The following SLC25A48 variants were observed in gnomAD, a reference collection of about 807,000 sequenced individuals.
SLC25A48 encodes CTC-321K16.1.
SLC25A48 carries 29 observed loss-of-function variants against 32.2 expected under a neutral mutation model. The ratio of observed to expected loss-of-function variants is 0.90; its 90% CI spans 0.67 to 1.23. The LOEUF is 1.23. Ranked by LOEUF, SLC25A48 falls within the 50% of genes most tolerant of loss-of-function variation. The pLI, the probability that SLC25A48 is intolerant of heterozygous loss-of-function variation, is 0.00. For missense variants in SLC25A48, 399 were observed against 422.7 expected (o/e 0.94, Z 0.49); for synonymous variants, 164 against 172.3 (o/e 0.95, Z 0.38).
At chr5:135,772,869 A>G (rs375893724) in intron 3 of SLC25A48, among the ~76,000 whole-genome samples, 129 of 151,812 alleles carry the variant, frequency 8.5e-4, no homozygotes, top group Middle Eastern at 3.4e-3. Context: ...ATTACTTTCA[A>G]TATTGCAGGG....
At chr5:135,842,661 A>G (rs1003291274) in intron 2 of SLC25A48, among the ~76,000 whole-genome samples, 8 of 152,154 alleles carry the variant, frequency 5.3e-5, no homozygotes, top group African/African-American at 1.7e-4. Flanking sequence ...CTTTAGAAGT[A>G]GATTGGAGAT....
chr5:135,634,504 A>G (rs1752653594), intron 2 of SLC25A48, among the ~76,000 whole-genome samples: 1 of 152,236 alleles, frequency 6.6e-6, no homozygotes, highest in South Asian at 2.1e-4. Context: ...CTTGGGCCCT[A>G]CCTTCCAGGA....
intron 3 of SLC25A48, among the ~76,000 whole-genome samples, chr5:135,802,307 A>C (rs1214626255): frequency 2.0e-5 from 3 of 151,710 alleles, no homozygotes; most frequent in Non-Finnish European, 4.4e-5. Context: ...TACTCCTACT[A>C]TCACAGTGGG....
At chr5:135,800,962 C>G (rs1318646983) in intron 3 of SLC25A48, among the ~76,000 whole-genome samples, 1 of 151,158 alleles carries the variant, frequency 6.6e-6, no homozygotes, top group African/African-American at 2.4e-5. Flanking sequence ...GGTTATAACA[C>G]TCCCCATATC....
rs1554088448 is a variant in SLC25A48 at position 135,886,618 on chromosome 5, T to TATATA, written c.*8-1413_*8-1409dup. 1.4e-4 allele frequency among the ~76,000 whole-genome samples: 3 copies of TATATA among 21,466 alleles called. 1 individual carries two copies. The highest frequency in any genetic ancestry group is 1.5e-3 in the East Asian group (2 of 1,318). The allele number at this position is 21,466 out of a possible 152,430, so 14.1% of individuals were successfully genotyped here. On this transcript the variant is annotated intron_variant, in intron 7 of 7. Transcript: ENST00000681962. The stretch of plus-strand genomic sequence containing the variant: ...ATATATATATATATATATATATATA[T>TATATA]ATATATATATATATATATAAAATAT...
chr5:135,721,243 C>T (rs1260101255), intron 3 of SLC25A48, among the ~76,000 whole-genome samples: 29 of 96,214 alleles, frequency 3.0e-4, no homozygotes, highest in African/African-American at 7.9e-4. Context: ...GCTCTGTCGC[C>T]CAGGCTGGAG....
intron 1 of SLC25A48, among the ~76,000 whole-genome samples, chr5:135,840,515 A>G (rs1758901033): frequency 6.6e-6 from 1 of 152,216 alleles, no homozygotes; most frequent in African/African-American, 2.4e-5. Flanking sequence ...ATCTAGTTCC[A>G]AAACATTTTT....
At chr5:135,795,490 C>T (rs1351628730) in intron 3 of SLC25A48, among the ~76,000 whole-genome samples, 1 of 151,728 alleles carries the variant, frequency 6.6e-6, no homozygotes, top group East Asian at 1.9e-4. Context: ...GTGCACCCCT[C>T]CTGTCATATT....
chr5:135,868,347 G>A (rs1267045776), intron 4 of SLC25A48, among the ~76,000 whole-genome samples: 3 of 152,102 alleles, frequency 2.0e-5, no homozygotes, highest in African/African-American at 7.2e-5. Context: ...AAATGTCAGT[G>A]TCACAAGAAA....
intron 2 of SLC25A48, among the ~76,000 whole-genome samples, chr5:135,633,537 C>T (rs1280358592): frequency 6.6e-6 from 1 of 151,870 alleles, no homozygotes; most frequent in East Asian, 1.9e-4. Context: ...GAAGAGAGCC[C>T]CCTCCAGAAC....
chr5:135,853,424 C>G (rs191864891), intron 4 of SLC25A48, among the ~76,000 whole-genome samples: 4 of 152,348 alleles, frequency 2.6e-5, no homozygotes, highest in Admixed American at 2.6e-4. Context: ...CTCTCAAACC[C>G]TGACGCTGCT....
At chr5:135,586,272 G>A (rs751787151) in intron 1 of SLC25A48, among the ~76,000 whole-genome samples, 1 of 152,180 alleles carries the variant, frequency 6.6e-6, no homozygotes, top group African/African-American at 2.4e-5. Flanking sequence ...TCTGCATGCT[G>A]CTGCCACCTG....
At chr5:135,604,024 G>A (rs1160380875) in intron 1 of SLC25A48, among the ~76,000 whole-genome samples, 3 of 152,198 alleles carry the variant, frequency 2.0e-5, no homozygotes, top group Non-Finnish European at 4.4e-5. Flanking sequence ...TTGACTTATT[G>A]AGCCCTTGCT....
At chr5:135,842,980 C>T (rs1348874782) in intron 2 of SLC25A48, among the ~76,000 whole-genome samples, 2 of 152,214 alleles carry the variant, frequency 1.3e-5, no homozygotes. Context: ...ATTTCTAAAG[C>T]TCTGCCTGGA....
At chr5:135,823,898 G>A (rs1359530985) in intron 4 of SLC25A48, among the ~76,000 whole-genome samples, 1 of 152,198 alleles carries the variant, frequency 6.6e-6, no homozygotes, top group East Asian at 1.9e-4. Context: ...ATCAAGAGAA[G>A]GCCTGTGTGG....
intron 1 of SLC25A48, 25 bp from the exon 2 acceptor site, chr5:135,842,391 C>T (rs1389275074): frequency 6.2e-7 from 1 of 1,613,264 alleles, no homozygotes; most frequent in Non-Finnish European, 8.5e-7. Flanking sequence ...GGCTGAGTTA[C>T]TAGGCATTCT....
At chr5:135,880,901 C>G (rs1394120838) in intron 7 of SLC25A48, among the ~76,000 whole-genome samples, 2 of 152,196 alleles carry the variant, frequency 1.3e-5, no homozygotes, top group African/African-American at 4.8e-5. Flanking sequence ...GGCTTGCTTT[C>G]TCAGCTAGGG....
rs1762362026 is a variant in SLC25A48, at chr5:135,880,157, T to A, written c.*7+60T>A. The A allele has an allele frequency of 2.0e-6, 3 of 1,504,978 alleles. No individual in the cohort carries two copies. In the Admixed American group the frequency reaches 6.6e-5, roughly 33 times the overall value. The allele number at this position is 1,504,978 out of a possible 1,614,324, so 93.2% of individuals were successfully genotyped here. On this transcript the variant is annotated intron_variant, in intron 7 of 7. Transcript: ENST00000681962. ...CCAGGAACTTGAAACTTTTTTTTTTTTTTATCATGAGAATGTTGTGGCCTT... is the reference window on the plus strand; with the variant it reads ...CCAGGAACTTGAAACTTTTTTTTTTATTTATCATGAGAATGTTGTGGCCTT...
intron 3 of SLC25A48, among the ~76,000 whole-genome samples, chr5:135,777,186 C>A (rs980198617): frequency 2.0e-5 from 3 of 151,470 alleles, no homozygotes; most frequent in Non-Finnish European, 4.4e-5. Context: ...TTATAATATC[C>A]AGGCGGGGAG....
Sources: allele counts gnomAD v4.1 joint callset (sites outside exome capture counted in the v4.1 genomes callset), GRCh38; gene constraint gnomAD v4.1.1; transcripts MANE v1.5; gene names NCBI Gene and HGNC (gene_info 2026-07-23, HGNC 2026-07-21).